The following LNX2 variants were observed in gnomAD, a reference collection of about 807,000 sequenced individuals.
LNX2 encodes the protein ligand of numb-protein X 2, also known as ligand of Numb protein X 2.
LNX2 carries 35 observed loss-of-function variants against 66.2 expected under a neutral mutation model. The ratio of observed to expected loss-of-function variants is 0.53; its 90% CI spans 0.40 to 0.70. LNX2 has a LOEUF of 0.70. LNX2 is among the 30% of genes least tolerant of loss of function. LNX2 has a pLI of 0.00. For synonymous variants in LNX2, 337 were observed against 315.6 expected, an observed-to-expected ratio of 1.07 and a Z score of -0.72; for missense variants, 791 against 850.8, an observed-to-expected ratio of 0.93 and a Z score of 0.87.
Position 27,556,374 on chromosome 13 carries a change from T to C in LNX2, c.1408A>G (p.Thr470Ala). Residue 470 changes from threonine to alanine, a missense_variant, in exon 7 of 10, where the codon ACT becomes GCT. Transcript: ENST00000316334. ...QCVTCQEKHI[T>A]VKKEPHESLG... ...GATTCATGTGGTTCCTTCTTTACAG[T>C]AATGTGTTTTTCTTGGCATGTAACA... The C allele has an allele frequency of 1.9e-6, 3 of 1,614,004 alleles. No individual in the cohort carries two copies. The highest frequency in any genetic ancestry group is 2.5e-6 in the Non-Finnish European group (3 of 1,179,952).
chr13:27,612,622 G>T (rs1270101683), intron 1 of LNX2, among the ~76,000 whole-genome samples: 1 of 152,176 alleles, frequency 6.6e-6, no homozygotes, highest in Non-Finnish European at 1.5e-5. Context: ...TTTTGAGACA[G>T]AGTCTCACTC....
intron 1 of LNX2, among the ~76,000 whole-genome samples, chr13:27,604,115 G>A (rs939557776): frequency 5.3e-5 from 8 of 152,290 alleles, no homozygotes; most frequent in African/African-American, 1.4e-4. Context: ...CTAACCGGGC[G>A]TGGTGGCGGG....
intron 2 of LNX2, among the ~76,000 whole-genome samples, chr13:27,571,078 T>C (rs1955273791): frequency 6.6e-6 from 1 of 152,050 alleles, no homozygotes; most frequent in Non-Finnish European, 1.5e-5. Context: ...CATGTAAAAA[T>C]ACAGAAAAAT....
Position 27,583,226 on chromosome 13 carries a change from GTGTGTGTGTGTGTGTGTGTGTGTGTGTGT to G in LNX2, c.-100-1452_-100-1424del. 6.8e-5 allele frequency among the ~76,000 whole-genome samples: 2 copies of G among 29,512 alleles called. 1 individual carries two copies. Among genetic ancestry groups the G allele is most frequent in the East Asian group, 2.0e-3 (2 of 1,024 alleles). 19.4% of individuals were successfully genotyped at this position (29,512 alleles called of 152,430 possible). A position where few individuals can be genotyped will look rare whatever the true frequency, so the allele number is the denominator to read the frequency against. On this transcript the variant is annotated intron_variant, in intron 1 of 9. Coordinates refer to ENST00000316334, the MANE Select transcript of LNX2 (RefSeq NM_153371.4). ...TGTGTGTGTGTGTGTGTGTGTGTGT[GTGTGTGTGTGTGTGTGTGTGTGTGTGTGT>G]GCGCGCGTCCTCTCCAACATACTTA...
chr13:27,575,060 A>G (rs1955327745), intron 2 of LNX2, among the ~76,000 whole-genome samples: 1 of 152,252 alleles, frequency 6.6e-6, no homozygotes, highest in Non-Finnish European at 1.5e-5. Flanking sequence ...TGCAAGAAAC[A>G]CTAAAAGAAG....
chr13:27,611,532 G>C (rs142698753), intron 1 of LNX2, among the ~76,000 whole-genome samples: 14 of 152,292 alleles, frequency 9.2e-5, no homozygotes, highest in African/African-American at 3.4e-4. Context: ...ACTGTAATGT[G>C]AATATATTTA....
chr13:27,592,386 T>C (rs1240167988), intron 1 of LNX2, among the ~76,000 whole-genome samples: 2 of 152,182 alleles, frequency 1.3e-5, no homozygotes, highest in African/African-American at 4.8e-5. Flanking sequence ...ACCAAGATTT[T>C]TGATCTGAGC....
intron 1 of LNX2, among the ~76,000 whole-genome samples, chr13:27,616,213 C>A (rs1271996903): frequency 1.3e-5 from 2 of 151,416 alleles, no homozygotes; most frequent in Non-Finnish European, 2.9e-5. Context: ...GAGTGCCATT[C>A]CAAGCCATAG....
intron 1 of LNX2, among the ~76,000 whole-genome samples, chr13:27,588,091 C>A (rs1955511431): frequency 6.7e-6 from 1 of 148,994 alleles, no homozygotes; most frequent in African/African-American, 2.5e-5. Context: ...ACCCTTTTAT[C>A]CACTCTGGAC....
At position 27,548,237 on chromosome 13, in the gene LNX2, G is replaced by T; in HGVS notation, c.*98C>A. On this transcript the variant is annotated 3_prime_UTR_variant, in exon 10 of 10. Transcript: ENST00000316334. ...TTTTGGCCCTGTGTATACCAGCAGT[G>T]TCAGCAGCTCCTAAACCACAAACAC... 2 of 1,203,798 alleles carry T rather than the reference G, an allele frequency of 1.7e-6. No homozygotes were observed. The highest frequency in any genetic ancestry group is 2.4e-6 in the Non-Finnish European group (2 of 843,278). 74.6% of individuals were successfully genotyped at this position (1,203,798 alleles called of 1,614,324 possible).
At chr13:27,557,033 C>T (rs1325300258) in intron 6 of LNX2, among the ~76,000 whole-genome samples, 1 of 152,096 alleles carries the variant, frequency 6.6e-6, no homozygotes. Context: ...TTAATATCTC[C>T]TATTTTTACT....
chr13:27,596,366 AC>A (rs1416778186), intron 1 of LNX2, among the ~76,000 whole-genome samples: 7 of 152,222 alleles, frequency 4.6e-5, no homozygotes, highest in African/African-American at 1.7e-4. Flanking sequence ...TGAGATGTAA[AC>A]AAATATACAG....
intron 4 of LNX2, among the ~76,000 whole-genome samples, chr13:27,563,793 T>C (rs1003557707): frequency 3.9e-5 from 6 of 152,230 alleles, no homozygotes; most frequent in African/African-American, 1.2e-4. Flanking sequence ...TTAGGATTGA[T>C]AGTTGTAAAT....
chr13:27,560,587 C>CTATATATATATATAT (rs1313161860), intron 5 of LNX2, among the ~76,000 whole-genome samples: 3 of 69,358 alleles, frequency 4.3e-5, no homozygotes, highest in South Asian at 3.9e-4. Flanking sequence ...ATATATATAG[C>CTATATATATATATAT]ATACTTGTGT....
At chr13:27,617,029 T>C (rs947434883) in intron 1 of LNX2, among the ~76,000 whole-genome samples, 5 of 152,206 alleles carry the variant, frequency 3.3e-5, no homozygotes, top group African/African-American at 1.2e-4. Flanking sequence ...ATTATAAGCG[T>C]GAGTCACTGC....
intron 9 of LNX2, among the ~76,000 whole-genome samples, chr13:27,549,973 C>T (rs949653054): frequency 1.3e-5 from 2 of 152,172 alleles, no homozygotes. Context: ...GAAATATGTC[C>T]AATGAAATAA....
chr13:27,547,540 GT>G lies in LNX2; in HGVS notation c.*794del, dbSNP rs1199074336. 1.3e-5 allele frequency: 2 copies of G among 152,104 alleles called. No homozygotes were observed. The highest frequency in any genetic ancestry group is 3.9e-4 in the East Asian group (2 of 5,148). The allele number at this position is 152,104 out of a possible 1,614,324, so 9.4% of individuals were successfully genotyped here. On this transcript the variant is annotated 3_prime_UTR_variant, in exon 10 of 10. Coordinates refer to ENST00000316334, the MANE Select transcript of LNX2 (RefSeq NM_153371.4). ...AAAATCAGTTTATAAACAGTATGAA[GT>G]TTTGAAATGTTGGCACCAATAAAAA...
intron 1 of LNX2, among the ~76,000 whole-genome samples, chr13:27,590,500 G>GT (rs1382210783): frequency 2.0e-5 from 3 of 151,672 alleles, no homozygotes; most frequent in Admixed American, 1.3e-4. Context: ...AAGTGCTGGG[G>GT]TTACAGGCGT....
intron 1 of LNX2, among the ~76,000 whole-genome samples, chr13:27,583,255 T>TGTGTGTGCGCGC (rs1555268514): frequency 1.7e-5 from 1 of 58,530 alleles, no homozygotes; most frequent in African/African-American, 7.5e-5. Flanking sequence ...TGTGTGTGTG[T>TGTGTGTGCGCGC]GCGCGCGTCC....
Sources: gnomAD v4.1 joint callset for allele counts (sites outside exome capture counted in the v4.1 genomes callset) on GRCh38, gnomAD v4.1.1 for gene constraint, MANE v1.5 for transcripts, NCBI Gene and HGNC (gene_info 2026-07-23, HGNC 2026-07-21) for gene names.